TAX1BP1: variants seen among roughly 807,000 people sequenced by gnomAD.
TAX1BP1 encodes the protein Tax1 binding protein 1.
A neutral mutation model predicts 97.7 loss-of-function variants in TAX1BP1; 62 were observed. The ratio of observed to expected loss-of-function variants is 0.63; its 90% CI spans 0.52 to 0.78. The LOEUF is 0.78. TAX1BP1 is among the 30% of genes least tolerant of loss of function. The pLI, the probability that TAX1BP1 is intolerant of heterozygous loss-of-function variation, is 0.00. For missense variants in TAX1BP1, 867 were observed against 916.1 expected (o/e 0.95, Z 0.69); for synonymous variants, 340 against 304.2 (o/e 1.12, Z -1.23).
At chr7:27,749,372 G>A (rs1007289750) in intron 2 of TAX1BP1, among the ~76,000 whole-genome samples, 12 of 152,172 alleles carry the variant, frequency 7.9e-5, no homozygotes, top group African/African-American at 2.9e-4. Flanking sequence ...ATAATGTCAC[G>A]AATGTCCAAA....
chr7:27,763,661 G>A (rs750912153), intron 3 of TAX1BP1, among the ~76,000 whole-genome samples: 1 of 152,094 alleles, frequency 6.6e-6, no homozygotes, highest in African/African-American at 2.4e-5. Context: ...CCAGCTACTC[G>A]GGAGGCTGAC....
intron 5 of TAX1BP1, among the ~76,000 whole-genome samples, chr7:27,776,653 C>T (rs994291082): frequency 1.3e-5 from 2 of 151,446 alleles, no homozygotes; most frequent in African/African-American, 4.9e-5. Flanking sequence ...GTTCAGTGAC[C>T]TTTTTGTATC....
At chr7:27,814,424 C>G (rs10277437) in intron 13 of TAX1BP1, among the ~76,000 whole-genome samples, 117,774 of 152,024 alleles carry the variant, frequency 0.77, 46,693 homozygotes, top group African/African-American at 0.94. Context: ...CTGGGATTTT[C>G]TAGGCATTGT....
At chr7:27,795,149 C>G (rs895020989) in intron 11 of TAX1BP1, among the ~76,000 whole-genome samples, 1 of 152,106 alleles carries the variant, frequency 6.6e-6, no homozygotes, top group Non-Finnish European at 1.5e-5. Context: ...TCTTTTAAGT[C>G]TTTTTAAATG....
chr7:27,758,272 G>A, intron 3 of TAX1BP1, 139 bp downstream of exon 3: 1 of 537,366 alleles, frequency 1.9e-6, no homozygotes, highest in Admixed American at 3.7e-5. Flanking sequence ...CTTAGCAAAA[G>A]CCCTAAGAAT....
intron 1 of TAX1BP1, among the ~76,000 whole-genome samples, chr7:27,742,238 T>G (rs1264315493): frequency 3.3e-5 from 5 of 152,134 alleles, no homozygotes; most frequent in Admixed American, 3.3e-4. Flanking sequence ...GGTCTTTCCC[T>G]TCCCACGAGG....
Position 27,796,180 on chromosome 7 carries a change from C to A in TAX1BP1, c.1599C>A (p.Asp533Glu). Residue 533 changes from aspartate (D) to glutamate (E), a missense_variant, in exon 12 of 17, where the codon GAC (aspartate) becomes GAA (glutamate). Asp to Glu is a conservative substitution (Grantham distance 45). Around this residue, in one of 3 missense-constraint regions of TAX1BP1, gnomAD observed 822 missense variants for 851.4 expected, o/e 0.97. Coordinates refer to ENST00000396319, the MANE Select transcript of TAX1BP1 (RefSeq NM_006024.7). ...QVCEMTKEIADKTEKYNKCKQ... is the reference protein window; with the variant it reads ...QVCEMTKEIAEKTEKYNKCKQ... ...GTGAAATGACCAAAGAAATTGCTGA[C>A]AAAACAGAAAAGTATAATAAATGTA... The A allele has an allele frequency of 6.3e-7, 1 of 1,592,560 alleles. No homozygotes were observed. The highest frequency in any genetic ancestry group is 1.4e-5 in the African/African-American group (1 of 73,460).
chr7:27,751,307 A>C (rs1245893087), intron 2 of TAX1BP1, among the ~76,000 whole-genome samples: 1 of 152,212 alleles, frequency 6.6e-6, no homozygotes, highest in African/African-American at 2.4e-5. Context: ...GGAAGGCTCA[A>C]GGAAGAAAAT....
intron 2 of TAX1BP1, among the ~76,000 whole-genome samples, chr7:27,754,724 C>T (rs1191583024): frequency 6.6e-6 from 1 of 152,098 alleles, no homozygotes; most frequent in African/African-American, 2.4e-5. Flanking sequence ...AGGCACCCGC[C>T]ACCACGCCCG....
intron 3 of TAX1BP1, among the ~76,000 whole-genome samples, chr7:27,759,263 T>C (rs1196958359): frequency 6.6e-6 from 1 of 152,190 alleles, no homozygotes; most frequent in African/African-American, 2.4e-5. Context: ...TTAATACATG[T>C]GCTTCAAAAT....
At chr7:27,827,899 G>A in intron 16 of TAX1BP1, 79 bp downstream of exon 16, 2 of 1,282,962 alleles carry the variant, frequency 1.6e-6, no homozygotes, top group Non-Finnish European at 2.2e-6. Flanking sequence ...GAACTCATTA[G>A]AAATGCACAT....
At chr7:27,790,460 T>C (rs573991418) in intron 8 of TAX1BP1, among the ~76,000 whole-genome samples, 44 of 152,126 alleles carry the variant, frequency 2.9e-4, no homozygotes, top group Non-Finnish European at 5.2e-4. Context: ...AAATTACCTT[T>C]CAAAAAAATG....
chr7:27,810,658 A>AT (rs752529563), intron 13 of TAX1BP1, among the ~76,000 whole-genome samples: 16 of 152,058 alleles, frequency 1.1e-4, no homozygotes, highest in Non-Finnish European at 2.1e-4. Flanking sequence ...CTTTTCAGCT[A>AT]TATCTCCTGC....
chr7:27,806,863 A>G (rs1222908361), intron 13 of TAX1BP1, among the ~76,000 whole-genome samples: 1 of 152,124 alleles, frequency 6.6e-6, no homozygotes, highest in East Asian at 1.9e-4. Context: ...TCTTGGTGAT[A>G]TTTCTACCTT....
intron 13 of TAX1BP1, 123 bp downstream of exon 13, chr7:27,800,213 A>G: frequency 6.5e-6 from 6 of 924,542 alleles, no homozygotes; most frequent in Non-Finnish European, 9.0e-6. Context: ...TTCTACAAAT[A>G]AAAATGTACT....
chr7:27,782,232 GTTTTA>G lies in TAX1BP1; in HGVS notation c.613-2916_613-2912del, dbSNP rs113358895. Among the ~76,000 whole-genome samples the G allele has an allele frequency of 2.6e-4, 40 of 151,330 alleles. 1 individual carries two copies. The highest frequency in any genetic ancestry group is 8.4e-4 in the South Asian group (4 of 4,786). Reference sequence around the variant, plus strand: ...TAAAAACTTTTTGTTTTCTTTTCTTGTTTTATTTTATTTTATTTTTTTGAGATGGA... The same window carrying G: ...TAAAAACTTTTTGTTTTCTTTTCTTGTTTTATTTTATTTTTTTGAGATGGA... On this transcript the variant is annotated intron_variant, in intron 5 of 16. Transcript: ENST00000396319.
chr7:27,771,097 A>ATTTTTTTTTTTTTTT (rs57751582), intron 5 of TAX1BP1, among the ~76,000 whole-genome samples: 72 of 40,608 alleles, frequency 1.8e-3, no homozygotes, highest in Middle Eastern at 0.029. Context: ...ACATTCAGCA[A>ATTTTTTTTTTTTTTT]TTTTTTTTTT....
At chr7:27,789,907 G>A (rs956699154) in intron 8 of TAX1BP1, among the ~76,000 whole-genome samples, 1 of 151,896 alleles carries the variant, frequency 6.6e-6, no homozygotes. Flanking sequence ...ATTTCTCTAA[G>A]CATCTTTTTC....
intron 5 of TAX1BP1, among the ~76,000 whole-genome samples, chr7:27,776,493 A>T (rs181755146): frequency 3.3e-5 from 5 of 152,122 alleles, no homozygotes; most frequent in Non-Finnish European, 7.4e-5. Context: ...ATTGTTTTTG[A>T]TGAGAAATTC....
Sources: gnomAD v4.1 joint callset for allele counts (sites outside exome capture counted in the v4.1 genomes callset) on GRCh38, gnomAD v4.1.1 for gene constraint, gnomAD v4.1.1 regional missense constraint, MANE v1.5 for transcripts, NCBI Gene and HGNC (gene_info 2026-07-23, HGNC 2026-07-21) for gene names.